The following LSS variants were observed in gnomAD, a reference collection of about 807,000 sequenced individuals.
LSS encodes the protein 2,3-epoxysqualene-lanosterol cyclase.
Under a neutral mutation model 110.3 loss-of-function variants are expected in LSS, and 90 were observed. The ratio of observed to expected loss-of-function variants is 0.82; its 90% CI spans 0.69 to 0.97. LSS has a LOEUF of 0.97. LSS is among the 50% of genes least tolerant of loss of function. LSS has a pLI of 0.00. For synonymous variants in LSS, 433 were observed against 400.0 expected, an observed-to-expected ratio of 1.08 and a Z score of -0.98; for missense variants, 927 against 990.0, an observed-to-expected ratio of 0.94 and a Z score of 0.85.
Position 46,216,260 on chromosome 21 carries a change from TGCTCCACAGGGCTCTCC to T in LSS, c.783+112_783+128del, listed in dbSNP as rs377227713. On this transcript the variant is annotated intron_variant, in intron 7 of 21. Transcript: ENST00000397728. The surrounding 1 kb of genome is among the most constrained non-coding windows in gnomAD (Gnocchi z 4.2). ...ATAGGATGGAGGAAGGTGGAGGCTC[TGCTCCACAGGGCTCTCC>T]GCTCCACAGGGCCACCAGGTGAGTG... is the stretch of plus-strand genomic sequence containing the variant. 5.3e-5 allele frequency: 61 copies of T among 1,155,270 alleles called. No homozygotes were observed. In the African/African-American group the frequency reaches 8.1e-4, roughly 15 times the overall value. The allele number at this position is 1,155,270 out of a possible 1,614,324, so 71.6% of individuals were successfully genotyped here. A position where few individuals can be genotyped will look rare whatever the true frequency, so the allele number is the denominator to read the frequency against.
At chr21:46,207,950 G>A (rs1461186438) in intron 14 of LSS, among the ~76,000 whole-genome samples, 1 of 152,234 alleles carries the variant, frequency 6.6e-6, no homozygotes, top group Non-Finnish European at 1.5e-5. Flanking sequence ...TCTTTCCTCT[G>A]CCTTCCCCGG....
intron 6 of LSS, among the ~76,000 whole-genome samples, chr21:46,219,049 C>T (rs139146756): frequency 6.6e-6 from 1 of 152,318 alleles, no homozygotes; most frequent in African/African-American, 2.4e-5. Flanking sequence ...TTTAAAGGCA[C>T]ACACGCTGAG....
chr21:46,195,809 T>C, intron 18 of LSS, 53 bp from the exon 19 acceptor site: 1 of 1,467,132 alleles, frequency 6.8e-7, no homozygotes, highest in Non-Finnish European at 9.5e-7. Context: ...ACAGCCGGTG[T>C]GTGAAACAAC....
rs1377274202 is a variant in LSS at position 46,189,681 on chromosome 21, G to A, written c.*1423C>T. ...GGGTGTCCAGACGCAGATCTCCACT[G>A]CCTGAGGGAGAGTGATCAGCCAGGG... On this transcript the variant is annotated 3_prime_UTR_variant, in exon 22 of 22. Coordinates refer to ENST00000397728, the MANE Select transcript of LSS (RefSeq NM_002340.6). 2.2e-6 allele frequency: 1 copy of A among 456,488 alleles called. No individual in the cohort carries two copies. Among genetic ancestry groups the A allele is most frequent in the Non-Finnish European group, 4.4e-6 (1 of 226,952 alleles). 28.3% of individuals were successfully genotyped at this position (456,488 alleles called of 1,614,324 possible).
At chr21:46,225,587 C>T (rs1056553384) in intron 3 of LSS, among the ~76,000 whole-genome samples, 24 of 152,242 alleles carry the variant, frequency 1.6e-4, no homozygotes, top group African/African-American at 7.2e-5. Flanking sequence ...TCAGTGGTCA[C>T]GCTCCTAGTC....
chr21:46,209,644 CAG>C lies in LSS; in HGVS notation c.1195-21_1195-20del. 1 of 1,602,352 alleles carries C rather than the reference CAG, an allele frequency of 6.2e-7. No individual in the cohort carries two copies. The highest frequency in any genetic ancestry group is 1.1e-5 in the South Asian group (1 of 88,770). On this transcript the variant is annotated intron_variant, in intron 12 of 21. Coordinates refer to ENST00000397728, the MANE Select transcript of LSS (RefSeq NM_002340.6). The surrounding 1 kb of genome is among the most constrained non-coding windows in gnomAD (Gnocchi z 4.4). ...CGCCCGCCTGGAAGAGACAGCAGGA[CAG>C]AGAGGCTCAGCTGCCCTTGCACGGC...
chr21:46,220,890 C>T (rs890902264), intron 5 of LSS, among the ~76,000 whole-genome samples: 12 of 101,788 alleles, frequency 1.2e-4, no homozygotes, highest in Non-Finnish European at 1.2e-4. Context: ...AGATAGTTGG[C>T]GCTTGGAGAG....
At chr21:46,214,945 G>A (rs550358669) in intron 9 of LSS, among the ~76,000 whole-genome samples, 9 of 150,862 alleles carry the variant, frequency 6.0e-5, no homozygotes, top group South Asian at 2.1e-4. Context: ...GACAAGAGCC[G>A]GTGGGGGACG....
In LSS at chr21:46,189,269, G is replaced by T. The variant is rs2079770407; in HGVS notation, c.*1835C>A. 8.8e-6 allele frequency: 2 copies of T among 227,852 alleles called. No homozygotes were observed. Among genetic ancestry groups the T allele is most frequent in the Non-Finnish European group, 1.8e-5 (2 of 113,214 alleles). The allele number at this position is 227,852 out of a possible 1,614,324, so 14.1% of individuals were successfully genotyped here. A position where few individuals can be genotyped will look rare whatever the true frequency, so the allele number is the denominator to read the frequency against. On this transcript the variant is annotated 3_prime_UTR_variant, in exon 22 of 22. Coordinates refer to ENST00000397728, the MANE Select transcript of LSS (RefSeq NM_002340.6). The stretch of plus-strand genomic sequence containing the variant: ...TCTGACCATGGCTAGGAGTCCCAGG[G>T]ACAGCAGCCTCTGCTCAGGGCAGAC...
chr21:46,226,006 G>A (rs56333186), intron 3 of LSS, among the ~76,000 whole-genome samples: 8,275 of 151,872 alleles, frequency 0.054, 332 homozygotes, highest in Non-Finnish European at 0.086. Context: ...AAAACCTACC[G>A]ACCCTGTGGG....
intron 5 of LSS, among the ~76,000 whole-genome samples, chr21:46,219,945 G>A (rs1452873981): frequency 1.3e-5 from 2 of 152,224 alleles, no homozygotes; most frequent in African/African-American, 4.8e-5. Context: ...GAGAAGGCAA[G>A]GTGGGGAAGT....
chr21:46,195,622 G>C (rs1170234197), intron 19 of LSS, 54 bp downstream of exon 19: 1 of 1,470,678 alleles, frequency 6.8e-7, no homozygotes, highest in Non-Finnish European at 9.5e-7. Flanking sequence ...AAACACTCAT[G>C]ACAGAGCATT....
intron 11 of LSS, among the ~76,000 whole-genome samples, chr21:46,211,837 C>T (rs991906639): frequency 4.6e-5 from 7 of 152,192 alleles, no homozygotes; most frequent in South Asian, 2.1e-4. Context: ...CCACGAGAGA[C>T]GGCTGGACTA....
intron 14 of LSS, 68 bp from the exon 15 acceptor site, chr21:46,207,645 G>GC (rs1192667327): frequency 9.4e-5 from 143 of 1,521,866 alleles, no homozygotes; most frequent in Non-Finnish European, 1.1e-4. Flanking sequence ...CCTCCCCACA[G>GC]CCGCACGCAT....
At chr21:46,219,618 A>G in intron 5 of LSS, 46 bp from the exon 6 acceptor site, 12 of 1,282,186 alleles carry the variant, frequency 9.4e-6, no homozygotes, top group Non-Finnish European at 1.3e-5. Context: ...TCCTGTCAGC[A>G]AAGTCTGCAC....
At position 46,227,567 on chromosome 21, in the gene LSS, G is replaced by C. The variant is rs1569039353; in HGVS notation, c.304C>G (p.Leu102Val). Reference protein sequence around the residue: ...GHWTGDYGGPLFLLPGLLITC... With the variant: ...GHWTGDYGGPVFLLPGLLITC... ...ATACTCCTACCTGGCAGGAGGAAAA[G>C]TGGGCCACCATAATCACCCGTCCAG... Residue 102 changes from leucine (L) to valine (V), a missense_variant, in exon 3 of 22, where the codon CTT becomes GTT. Transcript: ENST00000397728. 6.2e-7 allele frequency: 1 copy of C among 1,613,992 alleles called. No homozygotes were observed. The highest frequency in any genetic ancestry group is 8.5e-7 in the Non-Finnish European group (1 of 1,179,984).
At chr21:46,223,396 C>T (rs1007838419) in intron 3 of LSS, among the ~76,000 whole-genome samples, 5 of 152,026 alleles carry the variant, frequency 3.3e-5, no homozygotes, top group African/African-American at 9.7e-5. Context: ...GAGCCTGGCA[C>T]GGGACAGGTC....
At chr21:46,214,639 C>T (rs1294091845) in intron 9 of LSS, among the ~76,000 whole-genome samples, 2 of 152,288 alleles carry the variant, frequency 1.3e-5, no homozygotes, top group African/African-American at 2.4e-5. Flanking sequence ...GAGGCGGCCA[C>T]GCACCAGCAC....
rs1319314835 is a variant in LSS, at chr21:46,194,523, T to C, written c.1956A>G (p.Thr652=). Residue 652 remains threonine, a synonymous_variant, in exon 20 of 22, where the codon ACA becomes ACG. Transcript: ENST00000397728. The part of the protein sequence containing the change: ...LQSAQSQIHN[T]CWAMMGLMAV... ...CCATCAGCCCCATCATGGCCCAGCATGTGTTATGGATCTGGGACTGGGCAC... is the reference window on the plus strand; with the variant it reads ...CCATCAGCCCCATCATGGCCCAGCACGTGTTATGGATCTGGGACTGGGCAC... 1.9e-6 allele frequency: 3 copies of C among 1,613,832 alleles called. No individual in the cohort carries two copies. Among genetic ancestry groups the C allele is most frequent in the South Asian group, 2.2e-5 (2 of 91,088 alleles).
Sources: allele counts gnomAD v4.1 joint callset (sites outside exome capture counted in the v4.1 genomes callset), GRCh38; gene constraint gnomAD v4.1.1; non-coding constraint Gnocchi (gnomAD v3.1); transcripts MANE v1.5; gene names NCBI Gene and HGNC (gene_info 2026-07-23, HGNC 2026-07-21).